Variants in TRDN observed in about 807,000 individuals in gnomAD.
TRDN encodes the protein triadin.
Under a neutral mutation model 149.7 loss-of-function variants are expected in TRDN, and 161 were observed. The observed-to-expected ratio is 1.08, with a 90% CI of 0.95 to 1.23. TRDN has a LOEUF of 1.23. Ranked by LOEUF, TRDN falls within the 50% of genes most tolerant of loss-of-function variation. The probability of loss-of-function intolerance (pLI) is 0.00; values close to 1 mark genes in which losing one functional copy is unlikely to be tolerated. For missense variants in TRDN, 896 were observed against 823.5 expected (o/e 1.09, Z -1.08); for synonymous variants, 294 against 250.5 (o/e 1.17, Z -1.64).
intron 2 of TRDN, among the ~76,000 whole-genome samples, chr6:123,563,001 A>G (rs1389392213): frequency 1.3e-5 from 2 of 152,202 alleles, no homozygotes; most frequent in African/African-American, 4.8e-5. Flanking sequence ...AAATTTTTCC[A>G]CACTCATCTT....
intron 5 of TRDN, among the ~76,000 whole-genome samples, chr6:123,525,564 G>A (rs1779903211): frequency 1.3e-5 from 2 of 152,020 alleles, no homozygotes; most frequent in Admixed American, 6.6e-5. Flanking sequence ...AATGGGAACT[G>A]AGGCTTGAAA....
At chr6:123,361,180 C>T (rs1780885463) in intron 20 of TRDN, among the ~76,000 whole-genome samples, 1 of 152,118 alleles carries the variant, frequency 6.6e-6, no homozygotes, top group African/African-American at 2.4e-5. Context: ...AATGGTTGAA[C>T]ACCATAGAAT....
Position 123,249,164 on chromosome 6 carries a change from A to C in TRDN, c.1975+3248T>G, listed in dbSNP as rs1413256474. On this transcript the variant is annotated intron_variant, in intron 38 of 40. Transcript: ENST00000334268. Reference sequence around the variant, plus strand: ...AGACATCTCGCAAAAGAATACATACAATCAGCCAACAAACATATGAAAACA... The same window carrying C: ...AGACATCTCGCAAAAGAATACATACCATCAGCCAACAAACATATGAAAACA... 2.6e-5 allele frequency among the ~76,000 whole-genome samples: 4 copies of C among 152,276 alleles called. No individual in the cohort carries two copies. The South Asian group carries it at 8.3e-4, about 32-fold the overall frequency.
At chr6:123,626,117 G>A (rs1785648211) in intron 1 of TRDN, among the ~76,000 whole-genome samples, 1 of 152,106 alleles carries the variant, frequency 6.6e-6, no homozygotes, top group Non-Finnish European at 1.5e-5. Flanking sequence ...TTTCAACAAA[G>A]TTCACAGCAT....
intron 22 of TRDN, among the ~76,000 whole-genome samples, chr6:123,333,368 T>C (rs1435406812): frequency 6.6e-6 from 1 of 152,038 alleles, no homozygotes; most frequent in Non-Finnish European, 1.5e-5. Context: ...ACTACATTGA[T>C]TTTAGTGGAG....
At chr6:123,291,995 G>C (rs2114652411) in intron 24 of TRDN, among the ~76,000 whole-genome samples, 1 of 152,186 alleles carries the variant, frequency 6.6e-6, no homozygotes, top group Non-Finnish European at 1.5e-5. Flanking sequence ...CTATGCTGTT[G>C]GTTTTCCTCA....
intron 21 of TRDN, among the ~76,000 whole-genome samples, chr6:123,344,437 C>T (rs956580026): frequency 2.0e-5 from 3 of 152,008 alleles, no homozygotes; most frequent in Non-Finnish European, 4.4e-5. Flanking sequence ...ATTCACCCTT[C>T]TCTCCTCCCC....
intron 1 of TRDN, among the ~76,000 whole-genome samples, chr6:123,581,303 T>A (rs576920289): frequency 6.6e-6 from 1 of 152,370 alleles, no homozygotes; most frequent in East Asian, 1.9e-4. Flanking sequence ...TCTACTCTTC[T>A]TACTTGTAAT....
intron 1 of TRDN, among the ~76,000 whole-genome samples, chr6:123,573,734 T>TAGG (rs1290498549): frequency 6.6e-6 from 1 of 152,062 alleles, no homozygotes; most frequent in Non-Finnish European, 1.5e-5. Flanking sequence ...TTAGAAAAGA[T>TAGG]GATCTATGGC....
intron 1 of TRDN, among the ~76,000 whole-genome samples, chr6:123,586,193 C>A (rs1269517609): frequency 6.6e-6 from 1 of 152,050 alleles, no homozygotes; most frequent in Admixed American, 6.5e-5. Context: ...CTTCAGCCAC[C>A]TTTTTAAGAG....
intron 24 of TRDN, among the ~76,000 whole-genome samples, chr6:123,287,010 G>T (rs1777826539): frequency 6.6e-6 from 1 of 152,058 alleles, no homozygotes; most frequent in Non-Finnish European, 1.5e-5. Context: ...GCTCTGAAGG[G>T]ATAAAATCAT....
intron 38 of TRDN, among the ~76,000 whole-genome samples, chr6:123,233,915 CCTCATT>C (rs1482056007): frequency 6.6e-6 from 1 of 152,014 alleles, no homozygotes; most frequent in Admixed American, 6.6e-5. Flanking sequence ...TCATCATCAT[CCTCATT>C]CTTATAGTTA....
intron 13 of TRDN, among the ~76,000 whole-genome samples, chr6:123,391,666 T>A (rs1310851262): frequency 6.6e-6 from 1 of 151,980 alleles, no homozygotes; most frequent in Non-Finnish European, 1.5e-5. Context: ...ATCTTAATAA[T>A]AGTTATAAAT....
chr6:123,459,404 T>G (rs1776321572), intron 10 of TRDN, among the ~76,000 whole-genome samples: 1 of 152,190 alleles, frequency 6.6e-6, no homozygotes, highest in Non-Finnish European at 1.5e-5. Flanking sequence ...TACATCATTT[T>G]ACAGAGTGTT....
At chr6:123,330,692 T>C (rs1318998596) in intron 23 of TRDN, among the ~76,000 whole-genome samples, 2 of 152,132 alleles carry the variant, frequency 1.3e-5, no homozygotes, top group Non-Finnish European at 2.9e-5. Context: ...GTTGTGTTCT[T>C]ACATTTCATT....
intron 7 of TRDN, among the ~76,000 whole-genome samples, chr6:123,504,416 A>G (rs892255709): frequency 2.0e-5 from 3 of 152,194 alleles, no homozygotes; most frequent in Non-Finnish European, 4.4e-5. Flanking sequence ...ATGCAAGTGT[A>G]AAATTATCGC....
intron 18 of TRDN, among the ~76,000 whole-genome samples, chr6:123,376,189 T>A (rs1010326217): frequency 8.5e-5 from 13 of 152,176 alleles, no homozygotes; most frequent in Non-Finnish European, 1.3e-4. Flanking sequence ...CAATAGTCAT[T>A]CTGTATGTCT....
chr6:123,604,309 G>A (rs1784418547), intron 1 of TRDN, among the ~76,000 whole-genome samples: 1 of 152,216 alleles, frequency 6.6e-6, no homozygotes, highest in African/African-American at 2.4e-5. Context: ...AAAGCTTAAA[G>A]AATGAAAGAA....
chr6:123,572,231 A>AT (rs1248494391), intron 1 of TRDN, among the ~76,000 whole-genome samples: 1 of 151,874 alleles, frequency 6.6e-6, no homozygotes, highest in Admixed American at 6.6e-5. Context: ...TTTCTTGTGG[A>AT]TTTTTCCTCC....
Sources: allele counts gnomAD v4.1 joint callset (sites outside exome capture counted in the v4.1 genomes callset), GRCh38; gene constraint gnomAD v4.1.1; transcripts MANE v1.5; gene names NCBI Gene and HGNC (gene_info 2026-07-23, HGNC 2026-07-21).